Variants in PRKAG3 observed in about 807,000 individuals in gnomAD.
PRKAG3 encodes the protein protein kinase AMP-activated non-catalytic subunit gamma 3.
PRKAG3 carries 39 observed loss-of-function variants against 56.5 expected under a neutral mutation model. The ratio of observed to expected loss-of-function variants is 0.69; its 90% CI spans 0.53 to 0.90. PRKAG3 has a LOEUF of 0.90. Ranked by LOEUF, PRKAG3 falls within the 40% of genes least tolerant of loss-of-function variation. The pLI is 0.00. For synonymous variants in PRKAG3, 243 were observed against 250.1 expected, an observed-to-expected ratio of 0.97 and a Z score of 0.27; for missense variants, 628 against 627.5, an observed-to-expected ratio of 1.00 and a Z score of -0.01.
At chr2:218,823,842 G>C (rs558395870) in exon 13 of PRKAG3, 1 of 1,614,158 alleles carries the variant, frequency 6.2e-7, no homozygotes, top group East Asian at 2.2e-5. Context: ...ACGCCCAAGA[G>C]ATGCTGGGTC....
At position 218,831,334 on chromosome 2, in the gene PRKAG3, A is replaced by G. The variant is rs1944016621; in HGVS notation, c.73+2T>C. On this transcript the variant is annotated splice_donor_variant, in intron 2 of 12. Coordinates refer to ENST00000529249, the Ensembl canonical transcript of PRKAG3. LOFTEE classifies it high-confidence loss of function. ...GCCCCAGGGAGGGGGCATTCTCCCTACCTTGATGCTCAGAACCCCCAAGGC... is the reference window on the plus strand; with the variant it reads ...GCCCCAGGGAGGGGGCATTCTCCCTGCCTTGATGCTCAGAACCCCCAAGGC... The G allele has an allele frequency of 2.5e-6, 4 of 1,595,100 alleles. No individual in the cohort carries two copies. Among genetic ancestry groups the G allele is most frequent in the African/African-American group, 1.3e-5 (1 of 74,392 alleles).
intron 10 of PRKAG3, among the ~76,000 whole-genome samples, chr2:218,826,002 G>A (rs563087584): frequency 2.6e-5 from 4 of 151,900 alleles, no homozygotes; most frequent in East Asian, 1.9e-4. Context: ...CTCGTGATCC[G>A]CCCACCTTGG....
chr2:218,822,793 A>G, downstream of PRKAG3: 1 of 763,794 alleles, frequency 1.3e-6, no homozygotes, highest in Non-Finnish European at 1.6e-6. Flanking sequence ...AACAGCTGGG[A>G]CTCCCAGGAG....
intron 5 of PRKAG3, 126 bp from the exon 6 acceptor site, chr2:218,828,188 G>T: frequency 2.1e-6 from 2 of 963,638 alleles, no homozygotes; most frequent in South Asian, 3.2e-5. Flanking sequence ...GTGGGAACAG[G>T]ACAGTGGGGC....
chr2:218,830,491 C>T (rs746651922), intron 3 of PRKAG3, 110 bp from the exon 4 acceptor site: 11 of 1,405,750 alleles, frequency 7.8e-6, no homozygotes, highest in Non-Finnish European at 1.1e-5. Flanking sequence ...GATGCTGTGG[C>T]CCTATTTGCA....
exon 6 of PRKAG3, chr2:218,828,037 G>A (rs1276416597): frequency 6.4e-7 from 1 of 1,564,444 alleles, no homozygotes; most frequent in Non-Finnish European, 8.7e-7. Context: ...GCAGCACCAG[G>A]ATGAAGTCAG....
At chr2:218,829,428 C>T (rs1256060694) in intron 4 of PRKAG3, among the ~76,000 whole-genome samples, 1 of 151,486 alleles carries the variant, frequency 6.6e-6, no homozygotes, top group Admixed American at 6.6e-5. Flanking sequence ...TCAAGTGATT[C>T]GCCTACCTCA....
intron 10 of PRKAG3, 24 bp from the exon 11 acceptor site, chr2:218,824,600 TG>T (rs1208451770): frequency 5.6e-6 from 9 of 1,597,988 alleles, no homozygotes; most frequent in African/African-American, 2.7e-5. Context: ...TTGTGGGGGG[TG>T]GGGGGAGAAA....
rs1943945574 is a variant in PRKAG3, at chr2:218,827,170, C to T, written c.1002+77G>A. 2 of 1,613,174 alleles carry T rather than the reference C, an allele frequency of 1.2e-6. No individual in the cohort carries two copies. The highest frequency in any genetic ancestry group is 2.7e-5 in the African/African-American group (2 of 75,042). ...GGCTCCCAGCTCTTCCCCACGACTG[C>T]TAGGGCTGAAGACTCCTCAGGCCCT... On this transcript the variant is annotated intron_variant, in intron 9 of 12. Coordinates refer to ENST00000529249, the Ensembl canonical transcript of PRKAG3. This position sits in a 1 kb window ranked among gnomAD's most constrained non-coding sequence, Gnocchi z 5.3.
At position 218,823,633 on chromosome 2, in the gene PRKAG3, G is replaced by C; in HGVS notation, c.*129C>G. On this transcript the variant is annotated 3_prime_UTR_variant, in exon 13 of 13. Coordinates refer to ENST00000529249, the Ensembl canonical transcript of PRKAG3. Reference sequence around the variant, plus strand: ...ACTAAGAGGCTGGTGTCATGGCCCAGGGCAGAGCCTACCTGAATCATAGCT... The same window carrying C: ...ACTAAGAGGCTGGTGTCATGGCCCACGGCAGAGCCTACCTGAATCATAGCT... 1 of 1,582,444 alleles carries C rather than the reference G, an allele frequency of 6.3e-7. No individual in the cohort carries two copies.
At chr2:218,828,711 C>T in intron 4 of PRKAG3, 111 bp from the exon 5 acceptor site, 1 of 919,262 alleles carries the variant, frequency 1.1e-6, no homozygotes, top group South Asian at 1.7e-5. Flanking sequence ...CTGTCCCACC[C>T]AGGGTTCTTC....
intron 10 of PRKAG3, 62 bp from the exon 11 acceptor site, chr2:218,824,638 C>G: frequency 6.7e-7 from 1 of 1,482,490 alleles, no homozygotes; most frequent in Non-Finnish European, 9.4e-7. Context: ...CGGTCAGAAC[C>G]GGGGTGCTGT....
Position 218,827,710 on chromosome 2 carries a change from G to A in PRKAG3, c.821-81C>T. ...GTCCCAGGCAGCTTCCCTTCCGTCA[G>A]GCACCCGAGGCTCCTATTGTCCCTC... On this transcript the variant is annotated intron_variant, in intron 7 of 12. Transcript: ENST00000529249. This position sits in a 1 kb window ranked among gnomAD's most constrained non-coding sequence, Gnocchi z 5.3. 2.6e-6 allele frequency: 4 copies of A among 1,568,142 alleles called. No individual in the cohort carries two copies. Among genetic ancestry groups the A allele is most frequent in the Non-Finnish European group, 2.6e-6 (3 of 1,138,698 alleles).
chr2:218,830,745 C>A lies in PRKAG3; in HGVS notation c.229+1G>T, dbSNP rs375261754. On this transcript the variant is annotated splice_donor_variant, in intron 3 of 12. Coordinates refer to ENST00000529249, the Ensembl canonical transcript of PRKAG3. LOFTEE classifies it high-confidence loss of function. The stretch of plus-strand genomic sequence containing the variant: ...CTCCCCAGAACTGGCCTTGGCCTCA[C>A]CTTCCCCCTGACCTGGTGGCTCCCC... 460 of 1,612,194 alleles carry A rather than the reference C, an allele frequency of 2.9e-4. 1 individual carries two copies. In the South Asian group the frequency reaches 4.7e-3, roughly 17 times the overall value.
At position 218,827,722 on chromosome 2, in the gene PRKAG3, T is replaced by C; in HGVS notation, c.821-93A>G. ...TTCCCTTCCGTCAGGCACCCGAGGC[T>C]CCTATTGTCCCTCCCCTGTTCACTC... On this transcript the variant is annotated intron_variant, in intron 7 of 12. Transcript: ENST00000529249. This position sits in a 1 kb window ranked among gnomAD's most constrained non-coding sequence, Gnocchi z 5.3. 6.4e-7 allele frequency: 1 copy of C among 1,562,630 alleles called. No homozygotes were observed. The highest frequency in any genetic ancestry group is 8.8e-7 in the Non-Finnish European group (1 of 1,133,764).
At chr2:218,831,541 T>C (rs1207405604) in intron 1 of PRKAG3, among the ~76,000 whole-genome samples, 166 bp from the exon 2 acceptor site, 2 of 151,096 alleles carry the variant, frequency 1.3e-5, no homozygotes, top group Non-Finnish European at 2.9e-5. Context: ...AACACACACA[T>C]CCAAACACTC....
chr2:218,827,609 A>C lies in PRKAG3; in HGVS notation c.841T>G (p.Phe281Val), dbSNP rs890757462. 6.2e-6 allele frequency: 10 copies of C among 1,614,116 alleles called. No individual in the cohort carries two copies. Among genetic ancestry groups the C allele is most frequent in the South Asian group, 5.5e-5 (5 of 91,076 alleles). Residue 281 changes from phenylalanine (F) to valine (V), a missense_variant, in exon 8 of 13, where the codon TTC (phenylalanine) becomes GTC (valine). Phe to Val is a conservative substitution (Grantham distance 50). Coordinates refer to ENST00000529249, the Ensembl canonical transcript of PRKAG3. This position sits in a 1 kb window ranked among gnomAD's most constrained non-coding sequence, Gnocchi z 5.3. Reference sequence around the variant, plus strand: ...GGAGAGATGGAGACCAGAGGCTTGAAGCAGCCTTGCAGGTAGATCTCTGCA... The same window carrying C: ...GGAGAGATGGAGACCAGAGGCTTGACGCAGCCTTGCAGGTAGATCTCTGCA...
chr2:218,828,690 C>T (rs777475814), intron 4 of PRKAG3, 90 bp from the exon 5 acceptor site: 165 of 1,134,272 alleles, frequency 1.5e-4, no homozygotes, highest in Non-Finnish European at 1.9e-4. Flanking sequence ...CATCTGCCTG[C>T]TGTCCCCTCC....
At chr2:218,824,671 C>A in intron 10 of PRKAG3, 95 bp from the exon 11 acceptor site, 1 of 1,120,334 alleles carries the variant, frequency 8.9e-7, no homozygotes, top group Non-Finnish European at 1.4e-6. Flanking sequence ...GGGCTATTTG[C>A]ATCAGGGTGC....
Sources: gnomAD v4.1 joint callset for allele counts (sites outside exome capture counted in the v4.1 genomes callset) on GRCh38, gnomAD v4.1.1 for gene constraint, Gnocchi (gnomAD v3.1) non-coding constraint, MANE v1.5 for transcripts, NCBI Gene and HGNC (gene_info 2026-07-23, HGNC 2026-07-21) for gene names.